Variants in IQSEC1 observed in about 807,000 individuals in gnomAD.
IQSEC1 encodes IQ motif and Sec7 domain ArfGEF 1.
In IQSEC1, 31 loss-of-function variants were observed where a neutral mutation model predicts 91.0. The observed-to-expected ratio is 0.34, with a 90% CI of 0.26 to 0.46. The LOEUF (loss-of-function observed/expected upper bound fraction) is 0.46, where lower values mean the gene tolerates loss of function less well. Ranked by LOEUF, IQSEC1 falls within the 20% of genes least tolerant of loss-of-function variation. The pLI, the probability that IQSEC1 is intolerant of heterozygous loss-of-function variation, is 1.00. For missense variants in IQSEC1, 1,388 were observed against 1,575.6 expected (o/e 0.88, Z 2.02); for synonymous variants, 699 against 662.6 (o/e 1.05, Z -0.84).
intron 1 of IQSEC1, among the ~76,000 whole-genome samples, chr3:13,234,992 G>A (rs1266613473): frequency 6.6e-6 from 1 of 152,184 alleles, no homozygotes; most frequent in Non-Finnish European, 1.5e-5. Flanking sequence ...CAGGAGAGGT[G>A]GATGTGTGGA....
chr3:13,041,105 T>C (rs1559736523), intron 1 of IQSEC1, among the ~76,000 whole-genome samples: 1 of 152,108 alleles, frequency 6.6e-6, no homozygotes, highest in Non-Finnish European at 1.5e-5. Flanking sequence ...TTAATGCTTC[T>C]TTTGCAGGAG....
intron 1 of IQSEC1, among the ~76,000 whole-genome samples, chr3:13,003,606 G>A (rs1559712392): frequency 6.6e-6 from 1 of 152,230 alleles, no homozygotes; most frequent in African/African-American, 2.4e-5. Flanking sequence ...CTTAAAATGA[G>A]TGAATTTCAT....
In IQSEC1 at chr3:13,193,664, C is replaced by T. The variant is rs61489453; in HGVS notation, c.273-29531G>A. Among the ~76,000 whole-genome samples the T allele has an allele frequency of 0.036, 5,456 of 152,200 alleles. 300 individuals carry two copies. The highest frequency in any genetic ancestry group is 0.12 in the African/African-American group (4,830 of 41,510). The stretch of plus-strand genomic sequence containing the variant: ...TTAGGGGTCTAGAACACTTAAGATG[C>T]GGGAAAGAGGCAGTTGGAGACCAAA... On this transcript the variant is annotated intron_variant, in intron 1 of 15. Transcript: ENST00000648114. The surrounding 1 kb of genome is among the most constrained non-coding windows in gnomAD (Gnocchi z 4.2).
chr3:13,070,934 A>G (rs1474547847), intron 1 of IQSEC1, among the ~76,000 whole-genome samples: 1 of 152,266 alleles, frequency 6.6e-6, no homozygotes, highest in Non-Finnish European at 1.5e-5. Context: ...CAGACTCTCC[A>G]GGGAAGAGTA....
In IQSEC1 at chr3:13,066,095, T is replaced by A. The variant is rs114222768; in HGVS notation, c.23+6897A>T. ...GGGCTGGGGATGCAAGATGGGAGTC[T>A]GCGCTTACAGAGCACAGAGCCCTGT... On this transcript the variant is annotated intron_variant, in intron 1 of 13. Transcript: ENST00000613206. Among the ~76,000 whole-genome samples, 286 of 152,284 alleles carry A rather than the reference T, an allele frequency of 1.9e-3. 2 individuals are homozygous for A. The highest frequency in any genetic ancestry group is 6.6e-3 in the African/African-American group (274 of 41,556).
At chr3:12,928,555 T>G (rs549095360) in intron 3 of IQSEC1, among the ~76,000 whole-genome samples, 1 of 152,162 alleles carries the variant, frequency 6.6e-6, no homozygotes, top group Non-Finnish European at 1.5e-5. Flanking sequence ...GCCAGGGCAC[T>G]GGGCATTTAC....
intron 2 of IQSEC1, among the ~76,000 whole-genome samples, chr3:13,108,989 A>G (rs1388800450): frequency 6.6e-6 from 1 of 152,216 alleles, no homozygotes; most frequent in African/African-American, 2.4e-5. Flanking sequence ...TTCAGGCATC[A>G]CATGGTCAAT....
chr3:13,108,739 G>A (rs780035712), intron 2 of IQSEC1, among the ~76,000 whole-genome samples: 4 of 152,110 alleles, frequency 2.6e-5, no homozygotes, highest in Non-Finnish European at 5.9e-5. Flanking sequence ...TGCTTAGCAT[G>A]GACAAAACTT....
rs1021596365 is a variant in IQSEC1, at chr3:12,936,075, G to C, written c.941C>G (p.Thr314Ser). ...LSQAGDRPSSTESDLRLRAGG... is the reference protein window; with the variant it reads ...LSQAGDRPSSSESDLRLRAGG... ...AGCCCGTAGCCGCAGGTCCGACTCGGTGCTGGACGGCCGGTCCCCTGCCTG... is the reference window on the plus strand; with the variant it reads ...AGCCCGTAGCCGCAGGTCCGACTCGCTGCTGGACGGCCGGTCCCCTGCCTG... Residue 314 changes from threonine (T) to serine (S), a missense_variant, in exon 3 of 14, where the codon ACC becomes AGC. Coordinates refer to ENST00000613206, the MANE Select transcript of IQSEC1 (RefSeq NM_001134382.3). The C allele has an allele frequency of 3.4e-5, 55 of 1,608,608 alleles. No homozygotes were observed. The highest frequency in any genetic ancestry group is 4.3e-5 in the Non-Finnish European group (51 of 1,179,776).
chr3:13,222,833 G>A (rs1694687645), intron 1 of IQSEC1, among the ~76,000 whole-genome samples: 1 of 152,104 alleles, frequency 6.6e-6, no homozygotes, highest in Admixed American at 6.5e-5. Flanking sequence ...CTTCCTTTAG[G>A]GCTGCTGAGG....
At chr3:13,264,887 T>C (rs939479724) in intron 1 of IQSEC1, among the ~76,000 whole-genome samples, 1 of 151,664 alleles carries the variant, frequency 6.6e-6, no homozygotes, top group African/African-American at 2.4e-5. Context: ...TCTCTGTCTC[T>C]CTCTGTCTCT....
chr3:13,072,170 A>G (rs1203964876), intron 1 of IQSEC1, among the ~76,000 whole-genome samples: 1 of 152,182 alleles, frequency 6.6e-6, no homozygotes, highest in Non-Finnish European at 1.5e-5. Context: ...CACAGCCCCA[A>G]ATGAGTGGGT....
chr3:13,097,219 G>A (rs943376760), intron 2 of IQSEC1, among the ~76,000 whole-genome samples: 14 of 152,292 alleles, frequency 9.2e-5, no homozygotes, highest in South Asian at 4.1e-4. Context: ...GGAAGCGATC[G>A]CCCCTGGTTC....
chr3:13,164,751 T>C (rs181320653), intron 1 of IQSEC1, among the ~76,000 whole-genome samples: 138 of 152,322 alleles, frequency 9.1e-4, no homozygotes, highest in Middle Eastern at 3.4e-3. Context: ...TCCTGCTCTG[T>C]ACACCAAAGG....
At chr3:13,000,125 A>T (rs1702362251) in intron 1 of IQSEC1, among the ~76,000 whole-genome samples, 1 of 152,224 alleles carries the variant, frequency 6.6e-6, no homozygotes, top group Non-Finnish European at 1.5e-5. Context: ...AGTTATTCCA[A>T]ATCAATCAAA....
chr3:13,132,738 T>C (rs1356108566), intron 2 of IQSEC1, among the ~76,000 whole-genome samples: 1 of 152,234 alleles, frequency 6.6e-6, no homozygotes, highest in African/African-American at 2.4e-5. Flanking sequence ...ATGCATCTTG[T>C]CCATGTGGAT....
intron 1 of IQSEC1, among the ~76,000 whole-genome samples, chr3:13,070,276 C>T (rs1265521613): frequency 3.9e-5 from 6 of 152,236 alleles, no homozygotes; most frequent in African/African-American, 1.4e-4. Context: ...TCCTTCCCCT[C>T]TCTGAGCCTC....
chr3:13,181,673 G>T (rs1289443330), intron 1 of IQSEC1, among the ~76,000 whole-genome samples: 1 of 152,248 alleles, frequency 6.6e-6, no homozygotes, highest in Non-Finnish European at 1.5e-5. Flanking sequence ...TGACACAGAT[G>T]GAGGCAGAGA....
chr3:13,044,646 C>T (rs955905578), intron 1 of IQSEC1, among the ~76,000 whole-genome samples: 2 of 152,234 alleles, frequency 1.3e-5, no homozygotes, highest in Non-Finnish European at 2.9e-5. Context: ...CAAGGTAGCA[C>T]AGGCGGGGCC....
Sources: gnomAD v4.1 joint callset for allele counts (sites outside exome capture counted in the v4.1 genomes callset) on GRCh38, gnomAD v4.1.1 for gene constraint, Gnocchi (gnomAD v3.1) non-coding constraint, MANE v1.5 for transcripts, NCBI Gene and HGNC (gene_info 2026-07-23, HGNC 2026-07-21) for gene names.